The following RORA variants were observed in gnomAD, a reference collection of about 807,000 sequenced individuals.
RORA encodes RAR related orphan receptor A.
A neutral mutation model predicts 69.5 loss-of-function variants in RORA; 7 were observed. That is an observed-to-expected ratio of 0.10 (90% CI 0.06 to 0.19). The LOEUF (loss-of-function observed/expected upper bound fraction) is 0.19, where lower values mean the gene tolerates loss of function less well. Among genes scored for constraint, RORA ranks in the 10% least tolerant of loss-of-function variants. RORA has a pLI of 1.00. For synonymous variants in RORA, 261 were observed against 240.8 expected (o/e 1.08, Z -0.78); for missense variants, 457 against 663.0 (o/e 0.69, Z 3.41).
At chr15:60,771,300 A>G (rs2072070208) in intron 1 of RORA, among the ~76,000 whole-genome samples, 1 of 151,934 alleles carries the variant, frequency 6.6e-6, no homozygotes, top group African/African-American at 2.4e-5. Context: ...TTCCCTGAAC[A>G]CTCAGCCAAA....
chr15:60,832,659 G>GA (rs200922072), intron 1 of RORA, among the ~76,000 whole-genome samples: 149 of 149,030 alleles, frequency 1.0e-3, no homozygotes, highest in East Asian at 4.1e-3. Context: ...CCTTGCTGAT[G>GA]AAAAAAAAAA....
chr15:61,217,812 T>C (rs1214492735), intron 1 of RORA, among the ~76,000 whole-genome samples: 2 of 152,180 alleles, frequency 1.3e-5, no homozygotes, highest in African/African-American at 4.8e-5. Flanking sequence ...CAGATGTGCC[T>C]CTAAATGTAC....
chr15:60,857,056 C>T (rs1410299967), intron 1 of RORA, among the ~76,000 whole-genome samples: 1 of 152,196 alleles, frequency 6.6e-6, no homozygotes. Flanking sequence ...ACTCTTCATT[C>T]AATAAACGTC....
At chr15:60,719,215 CAT>C (rs1448530528) in intron 1 of RORA, among the ~76,000 whole-genome samples, 1 of 130,370 alleles carries the variant, frequency 7.7e-6, no homozygotes, top group African/African-American at 2.9e-5. Flanking sequence ...GTTATATAAA[CAT>C]ATTTAAAAAT....
intron 2 of RORA, among the ~76,000 whole-genome samples, chr15:60,538,072 TCTC>T (rs2066734620): frequency 6.6e-6 from 1 of 152,186 alleles, no homozygotes; most frequent in African/African-American, 2.4e-5. Context: ...AATGGCTTCT[TCTC>T]TATGTCCAGA....
chr15:60,902,779 G>A (rs2140469753), intron 1 of RORA, among the ~76,000 whole-genome samples: 1 of 152,342 alleles, frequency 6.6e-6, no homozygotes, highest in Admixed American at 6.5e-5. Flanking sequence ...TGAATTCAGA[G>A]TTAGGGAAAG....
At chr15:60,711,839 C>T (rs1404937368) in intron 1 of RORA, among the ~76,000 whole-genome samples, 3 of 152,138 alleles carry the variant, frequency 2.0e-5, no homozygotes, top group Non-Finnish European at 4.4e-5. Flanking sequence ...CTAGGAAAAT[C>T]CAACATTTAA....
rs147003422 is a variant in RORA at position 61,022,115 on chromosome 15, T to G, written c.166+206938A>C. ...GCTCTAAATCAGATTTTGCCTGAAT[T>G]CAAATGCTAGGTCAACCATTTGCAG... On this transcript the variant is annotated intron_variant, in intron 1 of 10. Coordinates refer to ENST00000335670, the MANE Select transcript of RORA (RefSeq NM_134261.3). Among the ~76,000 whole-genome samples, 3 of 152,298 alleles carry G rather than the reference T, an allele frequency of 2.0e-5. No homozygotes were observed. The East Asian group carries it at 5.8e-4, about 29-fold the overall frequency.
intron 2 of RORA, among the ~76,000 whole-genome samples, chr15:60,601,293 G>A (rs1364023715): frequency 6.6e-6 from 1 of 152,152 alleles, no homozygotes; most frequent in African/African-American, 2.4e-5. Context: ...ATTGCACAAT[G>A]TAGTAAATTA....
chr15:60,759,351 C>T (rs996835697), intron 1 of RORA, among the ~76,000 whole-genome samples: 6 of 152,150 alleles, frequency 3.9e-5, no homozygotes, highest in Admixed American at 3.3e-4. Context: ...GTTCTTGTTG[C>T]TGGATTTTAT....
intron 1 of RORA, among the ~76,000 whole-genome samples, chr15:60,910,882 TTTTG>T (rs1223554782): frequency 1.3e-5 from 2 of 149,918 alleles, no homozygotes; most frequent in Non-Finnish European, 2.9e-5. Flanking sequence ...GCTGTTTTTT[TTTTG>T]TTGTTGTTGT....
intron 1 of RORA, among the ~76,000 whole-genome samples, chr15:61,129,769 G>A (rs1229669133): frequency 6.6e-6 from 1 of 152,168 alleles, no homozygotes; most frequent in African/African-American, 2.4e-5. Context: ...CCATCTCCCT[G>A]GTTTCCTGTC....
chr15:61,192,350 A>G (rs942411923), intron 1 of RORA, among the ~76,000 whole-genome samples: 2 of 152,374 alleles, frequency 1.3e-5, no homozygotes, highest in East Asian at 3.9e-4. Context: ...TAACCAGGCT[A>G]CAAGGGATCC....
chr15:60,651,615 G>A (rs567843839), intron 2 of RORA, among the ~76,000 whole-genome samples: 68 of 152,066 alleles, frequency 4.5e-4, no homozygotes, highest in African/African-American at 1.4e-3. Context: ...TTACCCAACC[G>A]CCCTTCCCCC....
rs59567371 is a variant in RORA at position 61,018,419 on chromosome 15, C to T, written c.166+210634G>A. Among the ~76,000 whole-genome samples the T allele has an allele frequency of 3.5e-3, 528 of 152,130 alleles. 4 individuals carry two copies. The highest frequency in any genetic ancestry group is 0.012 in the African/African-American group (497 of 41,504). The stretch of plus-strand genomic sequence containing the variant: ...AAATAGAAAAAAAAGGATGCAGAAA[C>T]AATCAGAAAAGTATGGAAAGTACTT... On this transcript the variant is annotated intron_variant, in intron 1 of 10. Transcript: ENST00000335670.
chr15:60,512,852 AAC>A (rs1031023491), intron 4 of RORA, among the ~76,000 whole-genome samples: 3 of 152,204 alleles, frequency 2.0e-5, no homozygotes, highest in African/African-American at 7.2e-5. Context: ...TGAAAACAAA[AAC>A]ACACAAACAA....
At chr15:60,504,347 G>A (rs867928299) in intron 6 of RORA, among the ~76,000 whole-genome samples, 2 of 151,578 alleles carry the variant, frequency 1.3e-5, no homozygotes, top group South Asian at 4.3e-4. Flanking sequence ...TGGAGTTCAA[G>A]ACCAGCCTGG....
chr15:61,040,116 A>T (rs1291127554), intron 1 of RORA, among the ~76,000 whole-genome samples: 3 of 18,996 alleles, frequency 1.6e-4, no homozygotes, highest in South Asian at 1.9e-3. Flanking sequence ...AAGCTTTGAT[A>T]TATATATATA....
chr15:61,183,078 A>T (rs2140906419), intron 1 of RORA: 1 of 152,422 alleles, frequency 6.6e-6, no homozygotes, highest in Non-Finnish European at 1.5e-5. Flanking sequence ...AGTCAATCCA[A>T]TAAGGTCTGT....
Sources: gnomAD v4.1 joint callset for allele counts (sites outside exome capture counted in the v4.1 genomes callset) on GRCh38, gnomAD v4.1.1 for gene constraint, MANE v1.5 for transcripts, NCBI Gene and HGNC (gene_info 2026-07-23, HGNC 2026-07-21) for gene names.